FYB1: variants seen among roughly 807,000 people sequenced by gnomAD.
FYB1 encodes the protein FYN binding protein 1, also known as FYN-binding protein 1.
Under a neutral mutation model 94.1 loss-of-function variants are expected in FYB1, and 41 were observed. The observed-to-expected ratio is 0.44, with a 90% CI of 0.34 to 0.57. The LOEUF (loss-of-function observed/expected upper bound fraction) is 0.57. FYB1 is among the 20% of genes least tolerant of loss of function. The pLI, the probability that FYB1 is intolerant of heterozygous loss-of-function variation, is 0.02. For synonymous variants in FYB1, 367 were observed against 353.2 expected (o/e 1.04, Z -0.44); for missense variants, 1,050 against 976.8 (o/e 1.07, Z -1.00).
chr5:39,117,961 G>A (rs1739726543), intron 16 of FYB1, among the ~76,000 whole-genome samples: 1 of 152,028 alleles, frequency 6.6e-6, no homozygotes, highest in African/African-American at 2.4e-5. Flanking sequence ...GTAGCAGTGC[G>A]ATCATGGCTC....
chr5:39,199,131 AT>A, intron 2 of FYB1, among the ~76,000 whole-genome samples: 1 of 151,772 alleles, frequency 6.6e-6, no homozygotes, highest in East Asian at 1.9e-4. Flanking sequence ...TTTAATAATT[AT>A]TTATTTTCTA....
intron 2 of FYB1, among the ~76,000 whole-genome samples, chr5:39,155,037 G>A (rs941319444): frequency 1.3e-5 from 2 of 151,848 alleles, no homozygotes; most frequent in African/African-American, 4.8e-5. Context: ...GGCTGCTTTG[G>A]ATCCTGCTTT....
At position 39,176,137 on chromosome 5, in the gene FYB1, G is replaced by GTTT. The variant is rs70982547; in HGVS notation, c.1136-22536_1136-22534dup. 8.1e-4 allele frequency among the ~76,000 whole-genome samples: 50 copies of GTTT among 61,660 alleles called. 2 individuals carry two copies. The highest frequency in any genetic ancestry group is 2.5e-3 in the African/African-American group (44 of 17,596). 40.5% of individuals were successfully genotyped at this position (61,660 alleles called of 152,430 possible). The stretch of plus-strand genomic sequence containing the variant: ...GAGAATCCCAAGTCATTTTTTTTCT[G>GTTT]TTTTTTTTTTTTTTTTTTTTTTTTT... On this transcript the variant is annotated intron_variant, in intron 2 of 18. Coordinates refer to ENST00000512982, the MANE Select transcript of FYB1 (RefSeq NM_001465.6).
intron 2 of FYB1, among the ~76,000 whole-genome samples, chr5:39,196,128 A>C (rs1352740101): frequency 6.6e-6 from 1 of 152,004 alleles, no homozygotes; most frequent in African/African-American, 2.4e-5. Context: ...TGTTAAAACA[A>C]TTGCTAAGCT....
At chr5:39,108,860 T>C (rs1360314234) in intron 17 of FYB1, among the ~76,000 whole-genome samples, 2 of 152,262 alleles carry the variant, frequency 1.3e-5, no homozygotes, top group East Asian at 1.9e-4. Context: ...TTGGTACTTT[T>C]ACACATTTTA....
At chr5:39,248,891 C>G (rs1250846276) in intron 1 of FYB1, among the ~76,000 whole-genome samples, 1 of 152,172 alleles carries the variant, frequency 6.6e-6, no homozygotes, top group African/African-American at 2.4e-5. Flanking sequence ...ACAAAGATAC[C>G]ATTGGTGACA....
chr5:39,169,903 T>A (rs144290721), intron 2 of FYB1: 3 of 607,782 alleles, frequency 4.9e-6, no homozygotes, highest in Non-Finnish European at 9.4e-6. Flanking sequence ...TTTTTCCTTT[T>A]TGATTTCCAC....
chr5:39,119,707 A>G, intron 14 of FYB1, 73 bp from the exon 15 acceptor site: 1 of 1,317,332 alleles, frequency 7.6e-7, no homozygotes, highest in Non-Finnish European at 9.8e-7. Context: ...AACAGAGACG[A>G]TTCATAGCAT....
intron 9 of FYB1, among the ~76,000 whole-genome samples, chr5:39,133,993 C>T (rs1019650733): frequency 9.9e-5 from 15 of 152,120 alleles, no homozygotes; most frequent in African/African-American, 2.9e-4. Context: ...AAATGGCCCA[C>T]TATATTTCAA....
intron 1 of FYB1, among the ~76,000 whole-genome samples, chr5:39,213,277 A>G (rs1472402628): frequency 6.6e-6 from 1 of 152,194 alleles, no homozygotes; most frequent in Non-Finnish European, 1.5e-5. Context: ...TTCTGATTCT[A>G]AATTCTGTGC....
At chr5:39,222,462 G>A (rs919120832), upstream of FYB1, among the ~76,000 whole-genome samples, 2 of 152,178 alleles carry the variant, frequency 1.3e-5, no homozygotes, top group African/African-American at 2.4e-5. Context: ...GGGAAGGTGA[G>A]CCCAGCAATT....
intron 14 of FYB1, 149 bp downstream of exon 14, chr5:39,122,187 A>G: frequency 1.7e-6 from 1 of 585,310 alleles, no homozygotes; most frequent in Non-Finnish European, 3.1e-6. Flanking sequence ...TAGAGCTGAG[A>G]TTGGAAGGAA....
At position 39,105,283 on chromosome 5, in the gene FYB1, T is replaced by C. The variant is rs1385033177; in HGVS notation, c.*2160A>G. 1 of 152,130 alleles carries C rather than the reference T, an allele frequency of 6.6e-6. No individual in the cohort carries two copies. Among genetic ancestry groups the C allele is most frequent in the African/African-American group, 2.4e-5 (1 of 41,446 alleles). The allele number at this position is 152,130 out of a possible 1,614,324, so 9.4% of individuals were successfully genotyped here. A position where few individuals can be genotyped will look rare whatever the true frequency, so the allele number is the denominator to read the frequency against. On this transcript the variant is annotated 3_prime_UTR_variant, in exon 19 of 19. Coordinates refer to ENST00000512982, the MANE Select transcript of FYB1 (RefSeq NM_001465.6). ...ATTGAAGGTATTATTTATTTGCAGCTCATCTTAAGTGACAAAATTCCATAC... is the reference window on the plus strand; with the variant it reads ...ATTGAAGGTATTATTTATTTGCAGCCCATCTTAAGTGACAAAATTCCATAC...
chr5:39,137,652 T>C lies in FYB1; in HGVS notation c.1463A>G (p.Lys488Arg). 1 of 1,530,738 alleles carries C rather than the reference T, an allele frequency of 6.5e-7. No individual in the cohort carries two copies. Among genetic ancestry groups the C allele is most frequent in the Non-Finnish European group, 8.9e-7 (1 of 1,128,544 alleles). The allele number at this position is 1,530,738 out of a possible 1,614,324, so 94.8% of individuals were successfully genotyped here. ...EEKKRLELEK[K>R]EQKEKEKKEQ... ...TTTCTTTTCTTTCTCTTTCTGTTCCTTTTTCTCCAGCTCTAACCTCTTCTT... is the reference window on the plus strand; with the variant it reads ...TTTCTTTTCTTTCTCTTTCTGTTCCCTTTTCTCCAGCTCTAACCTCTTCTT... Residue 488 changes from lysine (K) to arginine (R), a missense_variant, in exon 7 of 19, where the codon AAG (lysine) becomes AGG (arginine). Transcript: ENST00000512982.
At chr5:39,112,642 T>A (rs879317693) in intron 16 of FYB1, among the ~76,000 whole-genome samples, 1 of 152,038 alleles carries the variant, frequency 6.6e-6, no homozygotes, top group Non-Finnish European at 1.5e-5. Context: ...ATGTTGCAGG[T>A]TTGGATAAAA....
At chr5:39,240,995 G>GA (rs879478770) in intron 1 of FYB1, among the ~76,000 whole-genome samples, 1 of 152,274 alleles carries the variant, frequency 6.6e-6, no homozygotes, top group Admixed American at 6.5e-5. Context: ...CCATAAAAAA[G>GA]AATGAGATCA....
At chr5:39,166,916 C>G (rs542621722) in intron 2 of FYB1, among the ~76,000 whole-genome samples, 1 of 151,464 alleles carries the variant, frequency 6.6e-6, no homozygotes, top group Admixed American at 6.6e-5. Flanking sequence ...ACACGGTATC[C>G]ATGAAAAAAA....
chr5:39,124,283 A>C lies in FYB1; in HGVS notation c.2046-5T>G. 1 of 1,549,294 alleles carries C rather than the reference A, an allele frequency of 6.5e-7. No homozygotes were observed. The highest frequency in any genetic ancestry group is 1.2e-5 in the South Asian group (1 of 81,600). On this transcript the variant is annotated splice_region_variant and splice_polypyrimidine_tract_variant and intron_variant, in intron 12 of 18. Transcript: ENST00000512982. ...TGTTTAGGAGGAGCAGGGAAACTAC[A>C]AAGAAAGTGAGAACACAATTATAAT...
intron 16 of FYB1, among the ~76,000 whole-genome samples, chr5:39,118,181 G>C (rs1580306849): frequency 6.6e-6 from 1 of 152,166 alleles, no homozygotes; most frequent in Non-Finnish European, 1.5e-5. Flanking sequence ...TGGGATTACA[G>C]GCATGAGCCA....
Sources: gnomAD v4.1 joint callset for allele counts (sites outside exome capture counted in the v4.1 genomes callset) on GRCh38, gnomAD v4.1.1 for gene constraint, MANE v1.5 for transcripts, NCBI Gene and HGNC (gene_info 2026-07-23, HGNC 2026-07-21) for gene names.